The following SOX6 variants were observed in gnomAD, a reference collection of about 807,000 sequenced individuals.
SOX6 encodes transcription factor SOX-6.
SOX6 carries 11 observed loss-of-function variants against 97.8 expected under a neutral mutation model. The observed-to-expected ratio is 0.11, with a 90% CI of 0.07 to 0.19. The LOEUF (loss-of-function observed/expected upper bound fraction) is 0.19, where lower values mean the gene tolerates loss of function less well. SOX6 is among the 10% of genes least tolerant of loss of function. The pLI, the probability that SOX6 is intolerant of heterozygous loss-of-function variation, is 1.00. For missense variants in SOX6, 810 were observed against 1,039.5 expected, an observed-to-expected ratio of 0.78 and a Z score of 3.04; for synonymous variants, 360 against 371.4, an observed-to-expected ratio of 0.97 and a Z score of 0.35.
Position 16,333,325 on chromosome 11 carries a change from A to G in SOX6, c.237+7687T>C, listed in dbSNP as rs532195513. On this transcript the variant is annotated intron_variant, in intron 2 of 15. Transcript: ENST00000683767. ...CATATAAACAACTGCATTCTATACA[A>G]TATAAACATTATTTTCTTCATGTTG... Among the ~76,000 whole-genome samples the G allele has an allele frequency of 2.0e-4, 30 of 152,300 alleles. No homozygotes were observed. The South Asian group carries it at 6.2e-3, about 32-fold the overall frequency.
At chr11:16,117,582 G>T (rs1325645988) in intron 6 of SOX6, among the ~76,000 whole-genome samples, 1 of 152,172 alleles carries the variant, frequency 6.6e-6, no homozygotes, top group Non-Finnish European at 1.5e-5. Flanking sequence ...GAAATGGAAA[G>T]CAAGAGCAAG....
At chr11:16,051,262 C>A (rs766764604) in intron 10 of SOX6, among the ~76,000 whole-genome samples, 1 of 152,066 alleles carries the variant, frequency 6.6e-6, no homozygotes, top group Non-Finnish European at 1.5e-5. Context: ...ATGAGCCTGG[C>A]CAGTATTATT....
At chr11:16,308,276 G>C (rs962116977) in intron 3 of SOX6, among the ~76,000 whole-genome samples, 1 of 152,148 alleles carries the variant, frequency 6.6e-6, no homozygotes, top group African/African-American at 2.4e-5. Flanking sequence ...ACTGAAAATA[G>C]TTTAAAAGAG....
At chr11:16,132,436 AGAAAGAAAAAAGAAAGAAAG>A (rs1849824006) in intron 6 of SOX6, among the ~76,000 whole-genome samples, 7 of 84,714 alleles carry the variant, frequency 8.3e-5, no homozygotes, top group Admixed American at 1.5e-4. Context: ...AAAGAAAGAA[AGAAAGAAAAAAGAAAGAAAG>A]AAAGAAAGAA....
chr11:16,400,302 C>A (rs569098143), intron 1 of SOX6, among the ~76,000 whole-genome samples: 10 of 151,430 alleles, frequency 6.6e-5, no homozygotes, highest in African/African-American at 2.4e-4. Context: ...TAGCAGGTTG[C>A]AATTTTAAAT....
intron 4 of SOX6, among the ~76,000 whole-genome samples, chr11:16,528,694 CACA>C (rs1268781105): frequency 2.0e-5 from 3 of 151,956 alleles, no homozygotes; most frequent in Non-Finnish European, 2.9e-5. Flanking sequence ...CAGAAATGAG[CACA>C]ACAATGAGAA....
At chr11:16,284,605 T>A (rs949316617) in intron 3 of SOX6, among the ~76,000 whole-genome samples, 1 of 152,108 alleles carries the variant, frequency 6.6e-6, no homozygotes, top group Admixed American at 6.6e-5. Flanking sequence ...AAAAGGTGAA[T>A]TAAACAAACA....
At chr11:16,599,206 G>T (rs771471920) in intron 4 of SOX6, among the ~76,000 whole-genome samples, 2 of 152,044 alleles carry the variant, frequency 1.3e-5, no homozygotes, top group Non-Finnish European at 2.9e-5. Flanking sequence ...TCTTTAGAAG[G>T]CTTTATAGAC....
rs371413164 is a variant in SOX6, at chr11:16,287,298, T to TCACACACACA, written c.445+31138_445+31147dup. On this transcript the variant is annotated intron_variant, in intron 3 of 15. Coordinates refer to ENST00000683767, the MANE Select transcript of SOX6 (RefSeq NM_001367873.1). ...CTCTCTCTCTCTCTCTCTCTCTCTC[T>TCACACACACA]CACACACACACACACACACACACAC... Among the ~76,000 whole-genome samples the TCACACACACA allele has an allele frequency of 2.5e-3, 306 of 123,486 alleles. 1 individual carries two copies. Among genetic ancestry groups the TCACACACACA allele is most frequent in the African/African-American group, 9.3e-3 (287 of 30,816 alleles). 81.0% of individuals were successfully genotyped at this position (123,486 alleles called of 152,430 possible).
chr11:16,103,553 A>T (rs1441262672), intron 7 of SOX6, among the ~76,000 whole-genome samples: 1 of 152,028 alleles, frequency 6.6e-6, no homozygotes, highest in African/African-American at 2.4e-5. Flanking sequence ...ACTACATGAA[A>T]AAGATACTTG....
chr11:16,334,768 G>C (rs543797403), intron 2 of SOX6, among the ~76,000 whole-genome samples: 2 of 151,806 alleles, frequency 1.3e-5, no homozygotes, highest in East Asian at 3.9e-4. Flanking sequence ...TAATATGCTA[G>C]GTAAGAAAGA....
chr11:16,719,366 GTCAA>G (rs1473486896), intron 2 of SOX6, among the ~76,000 whole-genome samples: 1 of 152,116 alleles, frequency 6.6e-6, no homozygotes, highest in Non-Finnish European at 1.5e-5. Flanking sequence ...AAATAGCCTA[GTCAA>G]TCAAAGATGA....
chr11:16,659,058 A>C (rs1847746673), intron 3 of SOX6, among the ~76,000 whole-genome samples: 1 of 152,220 alleles, frequency 6.6e-6, no homozygotes, highest in South Asian at 2.1e-4. Context: ...TCAGCTTAAC[A>C]ATTTTCCTCT....
At chr11:16,672,629 GC>G (rs1847855541) in intron 3 of SOX6, among the ~76,000 whole-genome samples, 1 of 151,990 alleles carries the variant, frequency 6.6e-6, no homozygotes. Context: ...CAAAAGACCC[GC>G]CCCCATAATT....
chr11:15,974,922 C>A (rs1172598210), intron 15 of SOX6, among the ~76,000 whole-genome samples: 1 of 152,148 alleles, frequency 6.6e-6, no homozygotes, highest in South Asian at 2.1e-4. Context: ...TCAGACCTTG[C>A]TTCAAGCCCT....
intron 11 of SOX6, among the ~76,000 whole-genome samples, chr11:16,047,706 G>A (rs2133910076): frequency 8.4e-6 from 1 of 119,350 alleles, no homozygotes; most frequent in East Asian, 5.6e-4. Flanking sequence ...CATAGCGTGT[G>A]TGTGTGTGTG....
At position 16,396,930 on chromosome 11, in the gene SOX6, G is replaced by C. The variant is rs182484239; in HGVS notation, c.-4-55678C>G. ...TACCATAAAAGCTGTCTTTAGAAAA[G>C]TCCTTATTAAACATCATGATGAAAT... On this transcript the variant is annotated intron_variant, in intron 1 of 15. Coordinates refer to the SOX6 transcript ENST00000396356. Among the ~76,000 whole-genome samples, 5 of 151,478 alleles carry C rather than the reference G, an allele frequency of 3.3e-5. No individual in the cohort carries two copies. The East Asian group carries it at 5.8e-4, about 18-fold the overall frequency.
intron 9 of SOX6, among the ~76,000 whole-genome samples, chr11:16,087,020 C>A (rs1230157560): frequency 6.6e-6 from 1 of 152,070 alleles, no homozygotes; most frequent in East Asian, 1.9e-4. Flanking sequence ...AGAATCCTGA[C>A]CAAGAGGTAA....
chr11:16,351,033 T>G (rs1856934755), intron 1 of SOX6, among the ~76,000 whole-genome samples: 1 of 152,166 alleles, frequency 6.6e-6, no homozygotes, highest in Non-Finnish European at 1.5e-5. Flanking sequence ...ATCAAGCATC[T>G]CATTAAGTCA....
Sources: allele counts gnomAD v4.1 joint callset (sites outside exome capture counted in the v4.1 genomes callset), GRCh38; gene constraint gnomAD v4.1.1; transcripts MANE v1.5; gene names NCBI Gene and HGNC (gene_info 2026-07-23, HGNC 2026-07-21).